Variants in ARFIP1 observed in about 807,000 individuals in gnomAD.
ARFIP1 encodes ARF interacting protein 1, also known as arfaptin-1.
A neutral mutation model predicts 42.5 loss-of-function variants in ARFIP1; 24 were observed. The observed-to-expected ratio is 0.57, with a 90% CI of 0.41 to 0.80. The LOEUF is 0.80. ARFIP1 is among the 30% of genes least tolerant of loss of function. The pLI, the probability that ARFIP1 is intolerant of heterozygous loss-of-function variation, is 0.00. For missense variants in ARFIP1, 354 were observed against 434.0 expected, an observed-to-expected ratio of 0.82 and a Z score of 1.64; for synonymous variants, 141 against 153.7, an observed-to-expected ratio of 0.92 and a Z score of 0.61.
chr4:152,867,352 C>T (rs1734491141), intron 3 of ARFIP1, among the ~76,000 whole-genome samples: 1 of 152,172 alleles, frequency 6.6e-6, no homozygotes, highest in African/African-American at 2.4e-5. Flanking sequence ...AAAAACCAGT[C>T]AGGCATGGCG....
intron 2 of ARFIP1, among the ~76,000 whole-genome samples, chr4:152,846,258 A>G (rs539020851): frequency 1.3e-4 from 20 of 152,358 alleles, no homozygotes; most frequent in South Asian, 4.1e-4. Context: ...TACTATGCTC[A>G]GTACCTGGGT....
At chr4:152,872,049 C>T (rs1734928496) in intron 4 of ARFIP1, among the ~76,000 whole-genome samples, 1 of 152,094 alleles carries the variant, frequency 6.6e-6, no homozygotes, top group Non-Finnish European at 1.5e-5. Flanking sequence ...TGAAAGATCA[C>T]TGTGGGGAAT....
intron 8 of ARFIP1, among the ~76,000 whole-genome samples, chr4:152,905,810 C>T (rs1180379248): frequency 6.6e-6 from 1 of 151,950 alleles, no homozygotes; most frequent in Non-Finnish European, 1.5e-5. Context: ...ACCTCAGCCT[C>T]CCAAAGTTCT....
intron 2 of ARFIP1, among the ~76,000 whole-genome samples, chr4:152,835,405 A>C (rs1377489342): frequency 6.6e-6 from 1 of 152,212 alleles, no homozygotes. Flanking sequence ...TCCCTAGGAC[A>C]TGAATGCAGT....
chr4:152,861,932 T>C (rs1733924869), intron 2 of ARFIP1, among the ~76,000 whole-genome samples: 1 of 152,226 alleles, frequency 6.6e-6, no homozygotes, highest in Admixed American at 6.5e-5. Context: ...TGTTGAATAC[T>C]TGAGATACGG....
At chr4:152,796,677 G>A (rs1731488792) in intron 1 of ARFIP1, 3 of 882,952 alleles carry the variant, frequency 3.4e-6, no homozygotes, top group Non-Finnish European at 1.9e-6. Flanking sequence ...TCTCAGCATG[G>A]CGCTGTTTAT....
chr4:152,888,353 C>T, intron 8 of ARFIP1, 46 bp downstream of exon 8: 2 of 1,338,732 alleles, frequency 1.5e-6, no homozygotes, highest in Non-Finnish European at 2.0e-6. Context: ...TTTGAAGTCA[C>T]CCTAAAGAGA....
intron 1 of ARFIP1, among the ~76,000 whole-genome samples, chr4:152,784,243 T>C (rs1312486397): frequency 2.0e-5 from 3 of 152,242 alleles, no homozygotes; most frequent in Non-Finnish European, 2.9e-5. Context: ...AAAAAGACTA[T>C]TGGCCTGAAA....
At chr4:152,901,038 TG>T (rs1737791969) in intron 8 of ARFIP1, among the ~76,000 whole-genome samples, 1 of 152,164 alleles carries the variant, frequency 6.6e-6, no homozygotes, top group African/African-American at 2.4e-5. Flanking sequence ...TTACTTTCAG[TG>T]GCAAAACCTG....
In ARFIP1 at chr4:152,804,451, AT is replaced by A. The variant is rs554216599; in HGVS notation, c.-10+24227del. On this transcript the variant is annotated intron_variant, in intron 1 of 8. Transcript: ENST00000353617. The stretch of plus-strand genomic sequence containing the variant: ...ATATAATATAACATGTATTATATAT[AT>A]TATATATAATATATAATATATATAA... Among the ~76,000 whole-genome samples, 138 of 106,282 alleles carry A rather than the reference AT, an allele frequency of 1.3e-3. 1 individual carries two copies. Among genetic ancestry groups the A allele is most frequent in the Non-Finnish European group, 2.0e-3 (107 of 54,688 alleles). 69.7% of individuals were successfully genotyped at this position (106,282 alleles called of 152,430 possible). A position where few individuals can be genotyped will look rare whatever the true frequency, so the allele number is the denominator to read the frequency against.
chr4:152,896,313 A>G (rs1163517610), intron 8 of ARFIP1, among the ~76,000 whole-genome samples: 1 of 152,204 alleles, frequency 6.6e-6, no homozygotes, highest in Non-Finnish European at 1.5e-5. Context: ...TATTCATTGC[A>G]GCATCACTTG....
intron 8 of ARFIP1, among the ~76,000 whole-genome samples, chr4:152,888,575 A>G (rs1736463416): frequency 6.6e-6 from 1 of 152,174 alleles, no homozygotes; most frequent in Admixed American, 6.6e-5. Context: ...ATTGGCGTTG[A>G]TAGCAAGTGC....
At chr4:152,801,629 C>A (rs1199897344) in intron 1 of ARFIP1, among the ~76,000 whole-genome samples, 1 of 152,148 alleles carries the variant, frequency 6.6e-6, no homozygotes, top group Non-Finnish European at 1.5e-5. Context: ...AAGAAAGAAA[C>A]ACAAGGCTGC....
At chr4:152,844,363 A>G (rs905743773) in intron 2 of ARFIP1, among the ~76,000 whole-genome samples, 1 of 152,254 alleles carries the variant, frequency 6.6e-6, no homozygotes, top group Non-Finnish European at 1.5e-5. Context: ...ATCTGGAGCT[A>G]AAATTTACAA....
intron 1 of ARFIP1, among the ~76,000 whole-genome samples, chr4:152,788,506 C>G (rs2149814293): frequency 6.6e-6 from 1 of 152,074 alleles, no homozygotes; most frequent in African/African-American, 2.4e-5. Context: ...ATGGTGAAAC[C>G]CCATCTCTAC....
chr4:152,895,076 A>G (rs558142295), intron 8 of ARFIP1, among the ~76,000 whole-genome samples: 64 of 152,344 alleles, frequency 4.2e-4, no homozygotes, highest in African/African-American at 1.5e-3. Context: ...TGTAGCCCTG[A>G]TAGGCCATAT....
At chr4:152,808,210 C>T (rs1178813791) in intron 1 of ARFIP1, among the ~76,000 whole-genome samples, 2 of 149,452 alleles carry the variant, frequency 1.3e-5, no homozygotes, top group African/African-American at 5.0e-5. Context: ...GAACTCCCGA[C>T]CTCAGGTGAT....
intron 8 of ARFIP1, among the ~76,000 whole-genome samples, chr4:152,901,025 C>T (rs572554147): frequency 6.0e-4 from 91 of 152,140 alleles, no homozygotes; most frequent in African/African-American, 2.0e-3. Flanking sequence ...GCAAAACCTG[C>T]GATTACTTTC....
intron 1 of ARFIP1, among the ~76,000 whole-genome samples, chr4:152,788,765 ATATTT>A (rs1395135653): frequency 6.6e-6 from 1 of 150,512 alleles, no homozygotes; most frequent in East Asian, 1.9e-4. Context: ...ATTAAAGTCC[ATATTT>A]TATTCAGATT....
Sources: allele counts gnomAD v4.1 joint callset (sites outside exome capture counted in the v4.1 genomes callset), GRCh38; gene constraint gnomAD v4.1.1; transcripts MANE v1.5; gene names NCBI Gene and HGNC (gene_info 2026-07-23, HGNC 2026-07-21).